The following WARS2 variants were observed in gnomAD, a reference collection of about 807,000 sequenced individuals.
WARS2 encodes tryptophan--tRNA ligase, mitochondrial.
A neutral mutation model predicts 36.5 loss-of-function variants in WARS2; 28 were observed. The observed-to-expected ratio is 0.77, with a 90% CI of 0.57 to 1.05. The LOEUF (loss-of-function observed/expected upper bound fraction) is 1.05. Ranked by LOEUF, WARS2 falls within the 50% of genes least tolerant of loss-of-function variation. The pLI, the probability that WARS2 is intolerant of heterozygous loss-of-function variation, is 0.00. For synonymous variants in WARS2, 174 were observed against 178.4 expected (o/e 0.98, Z 0.20); for missense variants, 435 against 456.8 (o/e 0.95, Z 0.44).
intron 1 of WARS2, among the ~76,000 whole-genome samples, chr1:119,089,664 C>T (rs892462449): frequency 6.6e-6 from 1 of 152,132 alleles, no homozygotes; most frequent in Non-Finnish European, 1.5e-5. Context: ...TTGACCCAAC[C>T]ATTCAATGTA....
intron 2 of WARS2, chr1:119,063,747 C>G (rs1285310313): frequency 1.3e-5 from 2 of 152,198 alleles, no homozygotes; most frequent in Admixed American, 6.5e-5. Flanking sequence ...TGCAGGTGCA[C>G]AGAAGTCAAG....
chr1:119,115,847 A>AGCTTTTT (rs1172480567), intron 1 of WARS2, among the ~76,000 whole-genome samples: 1 of 152,212 alleles, frequency 6.6e-6, no homozygotes, highest in Non-Finnish European at 1.5e-5. Context: ...TATTCTGGAA[A>AGCTTTTT]GCTTTTTTCT....
chr1:119,090,186 A>T (rs1652948724), intron 1 of WARS2, among the ~76,000 whole-genome samples: 1 of 152,188 alleles, frequency 6.6e-6, no homozygotes, highest in Non-Finnish European at 1.5e-5. Flanking sequence ...AATACTAAAT[A>T]AGTTATAGTT....
At chr1:119,060,361 C>T (rs1236162746) in intron 2 of WARS2, among the ~76,000 whole-genome samples, 1 of 152,202 alleles carries the variant, frequency 6.6e-6, no homozygotes, top group Non-Finnish European at 1.5e-5. Flanking sequence ...TGCTATAACC[C>T]CACATGGCAG....
chr1:119,133,921 T>C (rs1656278815), intron 1 of WARS2, among the ~76,000 whole-genome samples: 2 of 152,062 alleles, frequency 1.3e-5, no homozygotes, highest in East Asian at 1.9e-4. Context: ...ACTTTGTATA[T>C]TGTATTCAAG....
intron 2 of WARS2, chr1:119,063,660 G>A (rs1650585228): frequency 6.6e-6 from 1 of 152,246 alleles, no homozygotes; most frequent in Non-Finnish European, 1.5e-5. Context: ...GGCTGAAAGG[G>A]GCCAAGACAG....
At chr1:119,121,218 C>T (rs587659675) in intron 1 of WARS2, among the ~76,000 whole-genome samples, 18 of 152,230 alleles carry the variant, frequency 1.2e-4, no homozygotes, top group Non-Finnish European at 2.2e-4. Context: ...AATCAATGTA[C>T]ATAAATCAGT....
At chr1:119,137,341 C>T (rs140590908) in intron 1 of WARS2, among the ~76,000 whole-genome samples, 96 of 152,154 alleles carry the variant, frequency 6.3e-4, no homozygotes, top group Middle Eastern at 3.4e-3. Context: ...TTAAACCACG[C>T]TTTTTTTCTT....
At chr1:119,085,700 T>C (rs1439073904) in intron 1 of WARS2, 24 of 1,501,002 alleles carry the variant, frequency 1.6e-5, no homozygotes, top group Non-Finnish European at 2.2e-5. Flanking sequence ...TCCTCTGGTC[T>C]TCATAGCAGA....
chr1:119,047,593 CAATT>C (rs1394687394), intron 2 of WARS2: 1 of 152,010 alleles, frequency 6.6e-6, no homozygotes, highest in Non-Finnish European at 1.5e-5. Context: ...AGGTCAATGG[CAATT>C]AATTTTTTAC....
At chr1:119,061,273 T>C (rs1283921715) in intron 2 of WARS2, among the ~76,000 whole-genome samples, 1 of 152,126 alleles carries the variant, frequency 6.6e-6, no homozygotes, top group Non-Finnish European at 1.5e-5. Flanking sequence ...AGCAAAAATT[T>C]TGAAGCGATT....
intron 2 of WARS2, among the ~76,000 whole-genome samples, chr1:119,067,824 C>A (rs79230906): frequency 6.9e-6 from 1 of 144,768 alleles, no homozygotes; most frequent in Non-Finnish European, 1.5e-5. Context: ...TTTTTTTTTT[C>A]ACTACTGTTT....
intron 1 of WARS2, among the ~76,000 whole-genome samples, chr1:119,088,637 G>A (rs1282821419): frequency 2.6e-5 from 4 of 152,174 alleles, no homozygotes; most frequent in Non-Finnish European, 2.9e-5. Context: ...AGATTATGAC[G>A]CTGTGGTCGT....
intron 2 of WARS2, among the ~76,000 whole-genome samples, chr1:119,056,846 A>C (rs1649859709): frequency 6.6e-6 from 1 of 152,156 alleles, no homozygotes. Context: ...AGCATGTTTT[A>C]TACAACTCTT....
intron 2 of WARS2, among the ~76,000 whole-genome samples, chr1:119,072,024 G>GA (rs1353673084): frequency 6.6e-6 from 1 of 152,090 alleles, no homozygotes; most frequent in Admixed American, 6.6e-5. Flanking sequence ...CAAAACATAA[G>GA]TCATCACCAT....
At chr1:119,124,282 C>G (rs891901603) in intron 1 of WARS2, among the ~76,000 whole-genome samples, 1 of 152,256 alleles carries the variant, frequency 6.6e-6, no homozygotes, top group South Asian at 2.1e-4. Context: ...CACTTGAGCT[C>G]AGGATTTCGA....
chr1:119,108,839 A>G (rs1246364708), intron 1 of WARS2, among the ~76,000 whole-genome samples: 1 of 151,860 alleles, frequency 6.6e-6, no homozygotes, highest in Non-Finnish European at 1.5e-5. Context: ...TTCTTTTCAA[A>G]TATATTCATT....
chr1:119,046,624 G>A (rs1012004555), intron 2 of WARS2, among the ~76,000 whole-genome samples: 19 of 151,616 alleles, frequency 1.3e-4, no homozygotes, highest in African/African-American at 4.6e-4. Flanking sequence ...CCAAAGTGCT[G>A]GAGTTACAGG....
intron 2 of WARS2, among the ~76,000 whole-genome samples, chr1:119,072,682 T>A (rs1651417216): frequency 6.6e-6 from 1 of 152,120 alleles, no homozygotes; most frequent in South Asian, 2.1e-4. Flanking sequence ...ATAAAAGTCA[T>A]TTTTGGGAGA....
Sources: allele counts gnomAD v4.1 joint callset (sites outside exome capture counted in the v4.1 genomes callset), GRCh38; gene constraint gnomAD v4.1.1; transcripts MANE v1.5; gene names NCBI Gene and HGNC (gene_info 2026-07-23, HGNC 2026-07-21).